The following USP9X variants were observed in gnomAD, a reference collection of about 807,000 sequenced individuals.
USP9X encodes the protein ubiquitin carboxyl-terminal hydrolase 9X.
In USP9X, 7 loss-of-function variants were observed where a neutral mutation model predicts 190.3. That is an observed-to-expected ratio of 0.04 (90% CI 0.02 to 0.07). The LOEUF is 0.07. USP9X is among the 10% of genes least tolerant of loss of function. The pLI is 1.00. For synonymous variants in USP9X, 645 were observed against 659.5 expected (o/e 0.98, Z 0.34); for missense variants, 1,010 against 1,916.9 (o/e 0.53, Z 8.83).
intron 26 of USP9X, among the ~76,000 whole-genome samples, chrX:41,195,019 G>T (rs2062969968): frequency 9.3e-6 from 1 of 108,026 alleles, no homozygotes; most frequent in Non-Finnish European, 1.9e-5. Context: ...ATATGGTATT[G>T]TGATTCTCAA....
intron 7 of USP9X, 65 bp from the exon 8 acceptor site, chrX:41,140,901 T>C: frequency 9.0e-7 from 1 of 1,107,014 alleles, no homozygotes; most frequent in Non-Finnish European, 1.2e-6. Context: ...ATATAAAGAA[T>C]TTAGTCCTAA....
chrX:41,210,251 T>TA (rs745821337), intron 32 of USP9X, among the ~76,000 whole-genome samples: 27 of 112,033 alleles, frequency 2.4e-4, no homozygotes, highest in Non-Finnish European at 5.1e-4. Context: ...ATCCATCAAT[T>TA]ACACCACTAG....
At chrX:41,147,780 G>A (rs1044104963) in intron 11 of USP9X, among the ~76,000 whole-genome samples, 21 of 111,902 alleles carry the variant, frequency 1.9e-4, no homozygotes, top group Admixed American at 1.2e-3. Flanking sequence ...GCTGTTTGAC[G>A]TTAAGTTCGT....
intron 32 of USP9X, among the ~76,000 whole-genome samples, chrX:41,206,963 T>A (rs1289892493): frequency 9.2e-6 from 1 of 108,923 alleles, no homozygotes; most frequent in African/African-American, 3.3e-5. Flanking sequence ...GTTTTGTATT[T>A]TTAGTAGAGA....
chrX:41,088,880 A>G (rs1421529965), intron 1 of USP9X, among the ~76,000 whole-genome samples: 1 of 111,514 alleles, frequency 9.0e-6, no homozygotes, highest in Non-Finnish European at 1.9e-5. Context: ...ATTTTAACAT[A>G]GAGTTTAACG....
chrX:41,211,948 C>T (rs2063165939), intron 33 of USP9X, among the ~76,000 whole-genome samples: 1 of 113,974 alleles, frequency 8.8e-6, no homozygotes, highest in Non-Finnish European at 1.9e-5. Context: ...GCCACCACCC[C>T]GTCTGGGAGG....
intron 3 of USP9X, among the ~76,000 whole-genome samples, chrX:41,129,402 G>A (rs1260033470): frequency 3.6e-5 from 4 of 111,511 alleles, no homozygotes; most frequent in Non-Finnish European, 7.5e-5. Flanking sequence ...TTTCTCATTG[G>A]TCTCTTGGTT....
chrX:41,218,700 A>G (rs2063234447), intron 37 of USP9X, 103 bp downstream of exon 37: 4 of 744,726 alleles, frequency 5.4e-6, no homozygotes, highest in Non-Finnish European at 8.0e-6. Flanking sequence ...TGATATGTTT[A>G]CCTAACAGAA....
intron 20 of USP9X, 76 bp downstream of exon 20, chrX:41,170,695 GTTCTTTCT>G: frequency 9.9e-7 from 1 of 1,008,959 alleles, no homozygotes; most frequent in Non-Finnish European, 1.3e-6. Context: ...ATATAGAGTG[GTTCTTTCT>G]TTTCTTGAGG....
chrX:41,194,403 A>T (rs1457643968), intron 26 of USP9X, among the ~76,000 whole-genome samples: 1 of 110,779 alleles, frequency 9.0e-6, no homozygotes, highest in East Asian at 2.8e-4. Context: ...AAAAATACAA[A>T]ATTAGCCAGG....
At chrX:41,180,466 A>G (rs992306843) in intron 21 of USP9X, among the ~76,000 whole-genome samples, 1 of 112,389 alleles carries the variant, frequency 8.9e-6, no homozygotes, top group African/African-American at 3.2e-5. Flanking sequence ...TGTTTTATAT[A>G]ATGAAACTAG....
chrX:41,178,471 A>C (rs751313202), intron 21 of USP9X, among the ~76,000 whole-genome samples: 2 of 110,756 alleles, frequency 1.8e-5, no homozygotes, highest in African/African-American at 6.6e-5. Context: ...GCATTTCCTT[A>C]ATGATTAGTT....
chrX:41,171,269 T>C (rs1161413777), intron 20 of USP9X, among the ~76,000 whole-genome samples: 1 of 111,723 alleles, frequency 9.0e-6, no homozygotes, highest in Non-Finnish European at 1.9e-5. Context: ...CCAGGAGTTC[T>C]AGGCTGCAGT....
intron 27 of USP9X, 82 bp from the exon 28 acceptor site, chrX:41,196,510 T>G: frequency 8.9e-7 from 1 of 1,122,849 alleles, no homozygotes; most frequent in Non-Finnish European, 1.2e-6. Flanking sequence ...GGTAGTCATC[T>G]TCTCTAGTTA....
intron 1 of USP9X, among the ~76,000 whole-genome samples, chrX:41,118,507 A>G (rs1342464451): frequency 8.9e-6 from 1 of 111,955 alleles, no homozygotes; most frequent in East Asian, 2.8e-4. Context: ...CATAGGTACC[A>G]CATTTTGTTC....
intron 30 of USP9X, 88 bp downstream of exon 30, chrX:41,198,838 T>A: frequency 1.1e-6 from 1 of 879,351 alleles, no homozygotes; most frequent in Non-Finnish European, 1.6e-6. Flanking sequence ...TATTTCCAAC[T>A]TACGTATTTC....
chrX:41,172,683 T>G lies in USP9X; in HGVS notation c.3148+725T>G, dbSNP rs775691052. The stretch of plus-strand genomic sequence containing the variant: ...CTGACAACTTTTATCCTGGATTTAA[T>G]AATTTCCCTTTTATTTTCCTGATTG... On this transcript the variant is annotated intron_variant, in intron 21 of 44. Transcript: ENST00000378308. Among the ~76,000 whole-genome samples the G allele has an allele frequency of 2.3e-3, 264 of 112,463 alleles. 3 individuals are homozygous for G. The highest frequency in any genetic ancestry group is 3.9e-3 in the Admixed American group (41 of 10,584).
In USP9X at chrX:41,226,773, C is replaced by T. The variant is rs149373577; in HGVS notation, c.7061+1636C>T. 1.4e-3 allele frequency among the ~76,000 whole-genome samples: 157 copies of T among 111,807 alleles called. 3 individuals carry two copies. In the East Asian group the frequency reaches 0.031, roughly 22 times the overall value. On this transcript the variant is annotated intron_variant, in intron 41 of 44. Coordinates refer to ENST00000378308, the MANE Select transcript of USP9X (RefSeq NM_001039591.3). ...TATGTTCATAGGATTTGAAAGCTTC[C>T]TTCAGAGTAGATTTTAATGAAATCT... is the stretch of plus-strand genomic sequence containing the variant.
At chrX:41,125,684 A>ACACTCTCTCTCTCTCT in intron 2 of USP9X, among the ~76,000 whole-genome samples, 1 of 19,025 alleles carries the variant, frequency 5.3e-5, no homozygotes, top group African/African-American at 2.2e-4. Context: ...ACACACACAC[A>ACACTCTCTCTCTCTCT]CTCTCTCTCT....
Sources: allele counts gnomAD v4.1 joint callset (sites outside exome capture counted in the v4.1 genomes callset), GRCh38; gene constraint gnomAD v4.1.1; transcripts MANE v1.5; gene names NCBI Gene and HGNC (gene_info 2026-07-23, HGNC 2026-07-21).